Variants in PGPEP1L observed in about 807,000 individuals in gnomAD.
PGPEP1L encodes the protein pyroglutamyl-peptidase I like, also known as pyroglutamyl-peptidase 1-like protein.
In PGPEP1L, 7 loss-of-function variants were observed where a neutral mutation model predicts 6.0. The observed-to-expected ratio is 1.17, with a 90% CI of 0.66 to 2.19. The LOEUF is 2.19. Ranked by LOEUF, PGPEP1L falls within the 30% of genes most tolerant of loss-of-function variation. The pLI is 0.00. For missense variants in PGPEP1L, 209 were observed against 192.5 expected (o/e 1.09, Z -0.51); for synonymous variants, 103 against 83.9 (o/e 1.23, Z -1.24).
chr15:98,986,828 A>C (rs1596520849), intron 2 of PGPEP1L, among the ~76,000 whole-genome samples: 3 of 152,112 alleles, frequency 2.0e-5, no homozygotes, highest in African/African-American at 4.8e-5. Context: ...ACATAATAAT[A>C]ATCTTTGTGC....
chr15:98,969,944 A>G (rs1222598606), intron 3 of PGPEP1L, among the ~76,000 whole-genome samples: 8 of 151,594 alleles, frequency 5.3e-5, no homozygotes. Context: ...TTGTGGGGGG[A>G]GGGTTGGAGG....
chr15:98,986,398 A>C (rs909111887), intron 2 of PGPEP1L, among the ~76,000 whole-genome samples: 93 of 152,232 alleles, frequency 6.1e-4, no homozygotes, highest in African/African-American at 2.0e-3. Context: ...TGTCTACATA[A>C]GGAATCTCCA....
At chr15:98,977,883 G>T (rs1254420259) in intron 2 of PGPEP1L, among the ~76,000 whole-genome samples, 1 of 152,122 alleles carries the variant, frequency 6.6e-6, no homozygotes, top group Admixed American at 6.5e-5. Context: ...CATCTATTAT[G>T]TCTTATTTAT....
chr15:98,971,530 A>T (rs2017497697), intron 2 of PGPEP1L, among the ~76,000 whole-genome samples: 1 of 152,186 alleles, frequency 6.6e-6, no homozygotes, highest in Non-Finnish European at 1.5e-5. Flanking sequence ...CAAAGTGTGA[A>T]GGAAAAAAAA....
intron 2 of PGPEP1L, among the ~76,000 whole-genome samples, chr15:98,992,765 C>T (rs1451005062): frequency 6.6e-6 from 1 of 152,126 alleles, no homozygotes; most frequent in African/African-American, 2.4e-5. Context: ...ACCAATGGAA[C>T]AGAACGGAGG....
At chr15:98,978,726 A>ATATATATTTT (rs1446348988) in intron 2 of PGPEP1L, among the ~76,000 whole-genome samples, 4 of 85,254 alleles carry the variant, frequency 4.7e-5, no homozygotes, top group African/African-American at 2.0e-4. Context: ...ATATATATAT[A>ATATATATTTT]TTTTTTTTTT....
At chr15:98,995,277 A>G (rs1426957934) in intron 2 of PGPEP1L, among the ~76,000 whole-genome samples, 1 of 152,150 alleles carries the variant, frequency 6.6e-6, no homozygotes, top group Non-Finnish European at 1.5e-5. Flanking sequence ...TCTGTCTTCT[A>G]GTTCACTAAT....
At chr15:98,970,500 A>T (rs1567233838) in intron 3 of PGPEP1L, among the ~76,000 whole-genome samples, 1 of 138,274 alleles carries the variant, frequency 7.2e-6, no homozygotes, top group Non-Finnish European at 1.5e-5. Context: ...GAATGGCTTG[A>T]TAGTGTATGT....
At chr15:98,982,699 G>C (rs2017682206) in intron 2 of PGPEP1L, among the ~76,000 whole-genome samples, 1 of 73,464 alleles carries the variant, frequency 1.4e-5, no homozygotes, top group African/African-American at 3.9e-5. Context: ...TTTATCTGAG[G>C]CTTTTTTTTT....
At position 98,975,330 on chromosome 15, in the gene PGPEP1L, G is replaced by A. The variant is rs181450040; in HGVS notation, c.-141-4172C>T. Among the ~76,000 whole-genome samples the A allele has an allele frequency of 4.6e-5, 7 of 152,268 alleles. No individual in the cohort carries two copies. In the East Asian group the frequency reaches 5.8e-4, roughly 13 times the overall value. On this transcript the variant is annotated intron_variant, in intron 2 of 4. Coordinates refer to ENST00000535714, the MANE Select transcript of PGPEP1L (RefSeq NM_001167902.2). Reference sequence around the variant, plus strand: ...TACCAGAAGGTGGGAAGGGATGAACGGGAGGGAAGTATGAAAAGAGGTTGG... The same window carrying A: ...TACCAGAAGGTGGGAAGGGATGAACAGGAGGGAAGTATGAAAAGAGGTTGG...
At chr15:98,996,317 G>C (rs1416341281) in intron 2 of PGPEP1L, among the ~76,000 whole-genome samples, 1 of 152,190 alleles carries the variant, frequency 6.6e-6, no homozygotes, top group Non-Finnish European at 1.5e-5. Context: ...GCAGGAGTCA[G>C]GGTGCTTGAG....
At chr15:98,996,621 GTGTA>G (rs66678048) in intron 2 of PGPEP1L, among the ~76,000 whole-genome samples, 98,153 of 151,640 alleles carry the variant, frequency 0.65, 33,367 homozygotes, top group Non-Finnish European at 0.76. Flanking sequence ...ATATGCCTGC[GTGTA>G]TGTGTGTTGT....
intron 2 of PGPEP1L, among the ~76,000 whole-genome samples, chr15:98,998,472 G>A (rs1243914216): frequency 6.6e-6 from 1 of 152,204 alleles, no homozygotes; most frequent in African/African-American, 2.4e-5. Context: ...TAAAAAGCAT[G>A]CTTTGTAAAG....
intron 2 of PGPEP1L, among the ~76,000 whole-genome samples, chr15:98,984,224 A>G (rs2017712851): frequency 6.6e-6 from 1 of 151,930 alleles, no homozygotes; most frequent in Non-Finnish European, 1.5e-5. Flanking sequence ...GTTAGCCAAG[A>G]TGGTCTCGAT....
intron 2 of PGPEP1L, among the ~76,000 whole-genome samples, chr15:98,985,746 A>ACCC (rs1273762756): frequency 6.6e-6 from 1 of 152,180 alleles, no homozygotes; most frequent in Non-Finnish European, 1.5e-5. Flanking sequence ...CTCTCTGAGC[A>ACCC]CCCCTTTCCT....
chr15:98,990,237 C>T (rs2017801143), intron 2 of PGPEP1L, among the ~76,000 whole-genome samples: 1 of 151,358 alleles, frequency 6.6e-6, no homozygotes, highest in Non-Finnish European at 1.5e-5. Flanking sequence ...CAAAGACACA[C>T]ATAGGCTCAA....
chr15:98,968,418 A>G lies in PGPEP1L; in HGVS notation c.*60T>C, dbSNP rs949897141. On this transcript the variant is annotated 3_prime_UTR_variant, in exon 5 of 5. Coordinates refer to ENST00000535714, the MANE Select transcript of PGPEP1L (RefSeq NM_001167902.2). ...TTTTTGAAAAAGTTTCTCAATGCAC[A>G]GTTGAGTGCTACATACAGGATTGAA... The G allele has an allele frequency of 1.6e-5, 24 of 1,524,318 alleles. No homozygotes were observed. The African/African-American group carries it at 1.9e-4, about 12-fold the overall frequency. 94.4% of individuals were successfully genotyped at this position (1,524,318 alleles called of 1,614,324 possible).
chr15:98,979,743 G>A (rs1199531867), intron 2 of PGPEP1L, among the ~76,000 whole-genome samples: 1 of 138,786 alleles, frequency 7.2e-6, no homozygotes, highest in Non-Finnish European at 1.5e-5. Flanking sequence ...TCTGCCTCCC[G>A]GGTTCAAGCG....
intron 1 of PGPEP1L, among the ~76,000 whole-genome samples, chr15:99,006,270 T>C (rs1313359408): frequency 6.6e-6 from 1 of 152,196 alleles, no homozygotes; most frequent in African/African-American, 2.4e-5. Flanking sequence ...GCTTGCCACC[T>C]AGCTAGCGTC....
Sources: allele counts gnomAD v4.1 joint callset (sites outside exome capture counted in the v4.1 genomes callset), GRCh38; gene constraint gnomAD v4.1.1; transcripts MANE v1.5; gene names NCBI Gene and HGNC (gene_info 2026-07-23, HGNC 2026-07-21).